Variants in SEMA3A observed in about 807,000 individuals in gnomAD.
SEMA3A encodes semaphorin-3A.
SEMA3A carries 29 observed loss-of-function variants against 97.9 expected under a neutral mutation model. The observed-to-expected ratio is 0.30, with a 90% CI of 0.22 to 0.40. The LOEUF is 0.40. SEMA3A is among the 10% of genes least tolerant of loss of function. The probability of loss-of-function intolerance (pLI) is 1.00; values close to 1 mark genes in which losing one functional copy is unlikely to be tolerated. For synonymous variants in SEMA3A, 321 were observed against 323.7 expected (o/e 0.99, Z 0.09); for missense variants, 763 against 951.3 (o/e 0.80, Z 2.60).
rs371277322 is a variant in SEMA3A at position 84,354,799 on chromosome 7, G to A, written c.-169+17025C>T. On this transcript the variant is annotated intron_variant, in intron 2 of 3. Coordinates refer to the SEMA3A transcript ENST00000424555. ...ATGTGTTATGTATGCCCCACACGCA[G>A]AACAAATAGTTGTATAATTGGTGTT... is the stretch of plus-strand genomic sequence containing the variant. 2.4e-4 allele frequency among the ~76,000 whole-genome samples: 36 copies of A among 151,718 alleles called. 2 individuals carry two copies. The highest frequency in any genetic ancestry group is 6.3e-4 in the African/African-American group (26 of 41,490).
At chr7:84,249,748 T>A (rs1799563625) in intron 3 of SEMA3A, among the ~76,000 whole-genome samples, 1 of 151,608 alleles carries the variant, frequency 6.6e-6, no homozygotes, top group Non-Finnish European at 1.5e-5. Flanking sequence ...TATGTCATCT[T>A]GGGCAAGTTA....
chr7:84,058,744 C>G (rs532321440), intron 5 of SEMA3A, among the ~76,000 whole-genome samples: 1 of 152,244 alleles, frequency 6.6e-6, no homozygotes, highest in South Asian at 2.1e-4. Context: ...AGTTCTTTTT[C>G]TGAAACACCT....
chr7:84,018,732 G>T (rs1317455630), intron 6 of SEMA3A, among the ~76,000 whole-genome samples: 1 of 152,116 alleles, frequency 6.6e-6, no homozygotes, highest in Non-Finnish European at 1.5e-5. Flanking sequence ...AAGAAGAAGG[G>T]AGGTGGTCAG....
chr7:84,303,847 T>G (rs1415765952), intron 3 of SEMA3A, among the ~76,000 whole-genome samples: 1 of 152,184 alleles, frequency 6.6e-6, no homozygotes, highest in African/African-American at 2.4e-5. Flanking sequence ...GCTGCCATGT[T>G]TGGTAGGTTA....
intron 15 of SEMA3A, among the ~76,000 whole-genome samples, chr7:83,970,026 AAAG>A (rs1442856176): frequency 1.3e-5 from 2 of 152,232 alleles, no homozygotes; most frequent in African/African-American, 4.8e-5. Context: ...TGCGAGTAGA[AAAG>A]AAGGGTATCC....
intron 1 of SEMA3A, among the ~76,000 whole-genome samples, chr7:84,414,948 A>T (rs1159172083): frequency 6.6e-6 from 1 of 152,016 alleles, no homozygotes; most frequent in East Asian, 1.9e-4. Context: ...AAATTTAAAA[A>T]CCATGAGGAA....
At chr7:84,098,923 T>C (rs1027027582) in intron 4 of SEMA3A, among the ~76,000 whole-genome samples, 3 of 123,008 alleles carry the variant, frequency 2.4e-5, no homozygotes, top group African/African-American at 7.5e-5. Flanking sequence ...AATCAAATTA[T>C]ATAATTTTGA....
At chr7:84,077,457 A>G (rs1018330441) in intron 4 of SEMA3A, among the ~76,000 whole-genome samples, 7 of 152,184 alleles carry the variant, frequency 4.6e-5, no homozygotes, top group Admixed American at 4.6e-4. Context: ...AGAAAGGAGC[A>G]TATGTCCTGT....
At chr7:84,207,059 G>A (rs1798511668) in intron 3 of SEMA3A, among the ~76,000 whole-genome samples, 1 of 152,152 alleles carries the variant, frequency 6.6e-6, no homozygotes, top group African/African-American at 2.4e-5. Flanking sequence ...AGGTGTTTGG[G>A]CATGTTTACA....
chr7:84,286,890 A>G (rs1800603082), intron 3 of SEMA3A, among the ~76,000 whole-genome samples: 1 of 152,154 alleles, frequency 6.6e-6, no homozygotes, highest in Non-Finnish European at 1.5e-5. Context: ...TAAATATTTG[A>G]TGTCATTTAT....
In SEMA3A at chr7:84,452,735, C is replaced by T. The variant is rs371584915; in HGVS notation, c.-246+39725G>A. Among the ~76,000 whole-genome samples the T allele has an allele frequency of 4.6e-5, 7 of 152,316 alleles. No homozygotes were observed. In the East Asian group the frequency reaches 1.4e-3, roughly 29 times the overall value. ...ATAGGGTGTTGCTGATGAAAGACTG[C>T]ACACGGCAACAACAATTCACCTAGC... is the stretch of plus-strand genomic sequence containing the variant. On this transcript the variant is annotated intron_variant, in intron 1 of 3. Coordinates refer to the SEMA3A transcript ENST00000424555.
At chr7:84,473,141 GGTGTGTGTGTGTGT>G (rs61623414) in intron 1 of SEMA3A, among the ~76,000 whole-genome samples, 1 of 141,444 alleles carries the variant, frequency 7.1e-6, no homozygotes, top group African/African-American at 2.6e-5. Context: ...AAAAAGAAAT[GGTGTGTGTGTGTGT>G]GTGTGTGTGT....
intron 3 of SEMA3A, among the ~76,000 whole-genome samples, chr7:84,227,893 G>C (rs370007396): frequency 1.3e-5 from 2 of 150,892 alleles, no homozygotes; most frequent in Admixed American, 6.6e-5. Context: ...GTAAGTCTCT[G>C]TGTGTGTGTG....
At chr7:84,063,583 T>A (rs1318231073) in intron 4 of SEMA3A, among the ~76,000 whole-genome samples, 1 of 150,888 alleles carries the variant, frequency 6.6e-6, no homozygotes, top group East Asian at 2.0e-4. Context: ...AAGGAGCTGA[T>A]GGAGCTGAAA....
intron 2 of SEMA3A, among the ~76,000 whole-genome samples, chr7:84,347,425 T>G (rs576259697): frequency 6.6e-6 from 1 of 151,566 alleles, no homozygotes; most frequent in African/African-American, 2.4e-5. Context: ...TTTTTTTTTT[T>G]TGTGACGAGA....
chr7:84,101,511 T>G (rs1343851595), intron 4 of SEMA3A, among the ~76,000 whole-genome samples: 1 of 152,152 alleles, frequency 6.6e-6, no homozygotes, highest in African/African-American at 2.4e-5. Flanking sequence ...AACACAATGG[T>G]TTTCTCCCCC....
Position 84,039,504 on chromosome 7 carries a change from A to G in SEMA3A, c.667+6820T>C, listed in dbSNP as rs986639443. On this transcript the variant is annotated intron_variant, in intron 6 of 16. Transcript: ENST00000265362. ...AATCCCATGGGCAAATGGTAAGGCT[A>G]TATGAAAAAGACAGCAAATTTGAGG... Among the ~76,000 whole-genome samples the G allele has an allele frequency of 2.0e-5, 3 of 152,166 alleles. 1 individual carries two copies. Among genetic ancestry groups the G allele is most frequent in the South Asian group, 4.1e-4 (2 of 4,834 alleles).
chr7:84,316,919 C>T (rs1039633754), intron 2 of SEMA3A, among the ~76,000 whole-genome samples: 4 of 152,142 alleles, frequency 2.6e-5, no homozygotes, highest in African/African-American at 9.7e-5. Context: ...TCACAAGTAG[C>T]AGGCTCCAAA....
intron 15 of SEMA3A, among the ~76,000 whole-genome samples, chr7:83,971,357 G>A (rs762096720): frequency 1.1e-4 from 16 of 151,740 alleles, no homozygotes; most frequent in Non-Finnish European, 2.1e-4. Flanking sequence ...GCCTGAACCC[G>A]GGACGCAGAG....
Sources: gnomAD v4.1 joint callset for allele counts (sites outside exome capture counted in the v4.1 genomes callset) on GRCh38, gnomAD v4.1.1 for gene constraint, MANE v1.5 for transcripts, NCBI Gene and HGNC (gene_info 2026-07-23, HGNC 2026-07-21) for gene names.